MYLK4: variants seen among roughly 807,000 people sequenced by gnomAD.
MYLK4 encodes the protein myosin light chain kinase family member 4, also known as caMLCK like.
MYLK4 carries 46 observed loss-of-function variants against 48.1 expected under a neutral mutation model. The observed-to-expected ratio is 0.96, with a 90% CI of 0.75 to 1.22. The LOEUF is 1.22. MYLK4 is among the 50% of genes most tolerant of loss of function. The probability of loss-of-function intolerance (pLI) is 0.00; values close to 1 mark genes in which losing one functional copy is unlikely to be tolerated. For missense variants in MYLK4, 451 were observed against 486.1 expected (o/e 0.93, Z 0.68); for synonymous variants, 170 against 180.8 (o/e 0.94, Z 0.48).
the MYLK4 span, among the ~76,000 whole-genome samples, chr6:2,766,917 T>A: frequency 5.3e-5 from 8 of 152,248 alleles, no homozygotes; most frequent in Admixed American, 2.0e-4. Context: ...TTCCACTAGT[T>A]GTTGGTTTAA....
At chr6:2,669,093 A>G (rs146214007) in intron 12 of MYLK4, among the ~76,000 whole-genome samples, 2 of 152,212 alleles carry the variant, frequency 1.3e-5, no homozygotes, top group East Asian at 3.9e-4. Context: ...CAAAAACAAA[A>G]CAGAAAGCAA....
At chr6:2,724,325 C>T (rs1763173058) in intron 2 of MYLK4, among the ~76,000 whole-genome samples, 1 of 152,124 alleles carries the variant, frequency 6.6e-6, no homozygotes, top group South Asian at 2.1e-4. Flanking sequence ...CCTGAGGTTC[C>T]AAAAAGGAGT....
At chr6:2,668,475 A>G (rs909047268) in intron 12 of MYLK4, among the ~76,000 whole-genome samples, 1 of 152,220 alleles carries the variant, frequency 6.6e-6, no homozygotes, top group Non-Finnish European at 1.5e-5. Flanking sequence ...TGATTTTGGG[A>G]ATGTTTCCTC....
chr6:2,729,442 CAACA>C (rs1316601116), intron 2 of MYLK4, among the ~76,000 whole-genome samples: 2 of 152,246 alleles, frequency 1.3e-5, no homozygotes, highest in Non-Finnish European at 2.9e-5. Context: ...TCCAGATACG[CAACA>C]AATAACTTTG....
intron 2 of MYLK4, among the ~76,000 whole-genome samples, chr6:2,721,076 G>T (rs562460880): frequency 6.6e-6 from 1 of 152,110 alleles, no homozygotes; most frequent in African/African-American, 2.4e-5. Context: ...CAGGAGAATC[G>T]CTTGAACTTG....
intron 3 of MYLK4, among the ~76,000 whole-genome samples, chr6:2,692,066 C>T (rs1462584036): frequency 6.6e-6 from 1 of 152,144 alleles, no homozygotes; most frequent in Non-Finnish European, 1.5e-5. Flanking sequence ...TGTGCAGTTG[C>T]CAGTTCTCTT....
At chr6:2,668,153 T>A (rs1370531030) in intron 12 of MYLK4, among the ~76,000 whole-genome samples, 1 of 152,126 alleles carries the variant, frequency 6.6e-6, no homozygotes, top group East Asian at 1.9e-4. Flanking sequence ...GGGGTACATG[T>A]GCAGGTTTGT....
chr6:2,716,040 G>C (rs1762853616), intron 2 of MYLK4, among the ~76,000 whole-genome samples: 1 of 151,814 alleles, frequency 6.6e-6, no homozygotes, highest in South Asian at 2.1e-4. Context: ...TTAAACTCTA[G>C]TAAATGTTTC....
chr6:2,768,943 A>G, the MYLK4 span: 1 of 1,498,536 alleles, frequency 6.7e-7, no homozygotes, highest in Non-Finnish European at 9.0e-7. Context: ...AAAGTGTGTG[A>G]GATCACTATA....
At chr6:2,717,911 T>A (rs1040400547) in intron 2 of MYLK4, among the ~76,000 whole-genome samples, 1 of 152,180 alleles carries the variant, frequency 6.6e-6, no homozygotes, top group Non-Finnish European at 1.5e-5. Context: ...CCGGGTGCAG[T>A]GGCTCATGCC....
chr6:2,761,849 T>C, the MYLK4 span, among the ~76,000 whole-genome samples: 1 of 152,196 alleles, frequency 6.6e-6, no homozygotes, highest in African/African-American at 2.4e-5. Context: ...TTTTATTATT[T>C]ACATAATATA....
chr6:2,694,918 T>G (rs956145664), intron 2 of MYLK4, among the ~76,000 whole-genome samples: 9 of 152,034 alleles, frequency 5.9e-5, no homozygotes, highest in Non-Finnish European at 1.0e-4. Context: ...AAAAAAAAGA[T>G]AGAAAGACTA....
chr6:2,713,600 G>A (rs1423377797), intron 2 of MYLK4, among the ~76,000 whole-genome samples: 1 of 152,090 alleles, frequency 6.6e-6, no homozygotes, highest in African/African-American at 2.4e-5. Flanking sequence ...TTGGAACAAC[G>A]CTCTCCCTTT....
intron 2 of MYLK4, among the ~76,000 whole-genome samples, chr6:2,723,690 C>A (rs943700543): frequency 3.3e-5 from 5 of 152,106 alleles, no homozygotes; most frequent in Non-Finnish European, 7.4e-5. Context: ...TAGAAGTGGT[C>A]GGGCTGTGGG....
At chr6:2,725,451 G>A (rs527600638) in intron 2 of MYLK4, among the ~76,000 whole-genome samples, 44 of 151,770 alleles carry the variant, frequency 2.9e-4, no homozygotes, top group Admixed American at 5.3e-4. Context: ...CTCCAGCCTG[G>A]GTGACACAGT....
rs186165259 is a variant in MYLK4, at chr6:2,663,751, A to C, written c.*4174T>G. On this transcript the variant is annotated 3_prime_UTR_variant, in exon 13 of 13. Transcript: ENST00000274643. ...GTACGTTCAGAAATTTAAAATATAC[A>C]TGATAGACACAATCACCACGTTATG... is the stretch of plus-strand genomic sequence containing the variant. 1 of 152,604 alleles carries C rather than the reference A, an allele frequency of 6.6e-6. No individual in the cohort carries two copies. The highest frequency in any genetic ancestry group is 2.1e-4 in the South Asian group (1 of 4,832). The allele number at this position is 152,604 out of a possible 1,614,324, so 9.5% of individuals were successfully genotyped here. A position where few individuals can be genotyped will look rare whatever the true frequency, so the allele number is the denominator to read the frequency against.
At chr6:2,728,051 C>T (rs552690352) in intron 2 of MYLK4, among the ~76,000 whole-genome samples, 4 of 152,104 alleles carry the variant, frequency 2.6e-5, no homozygotes, top group East Asian at 3.9e-4. Flanking sequence ...GCTCCATTTT[C>T]CCCCATTCTA....
At chr6:2,745,631 G>A (rs753921139) in intron 2 of MYLK4, among the ~76,000 whole-genome samples, 2 of 152,102 alleles carry the variant, frequency 1.3e-5, no homozygotes, top group Non-Finnish European at 2.9e-5. Context: ...AAAAAGGAAA[G>A]TAGGAAAAAT....
Position 2,690,891 on chromosome 6 carries a change from G to T in MYLK4, c.235+1893C>A, listed in dbSNP as rs184509544. On this transcript the variant is annotated intron_variant, in intron 3 of 12. Transcript: ENST00000274643. Reference sequence around the variant, plus strand: ...GTCGCCCAGGCTGGAGTGCAGTGGCGCGATCTCGGCTCACTGCAAGCTCCG... The same window carrying T: ...GTCGCCCAGGCTGGAGTGCAGTGGCTCGATCTCGGCTCACTGCAAGCTCCG... Among the ~76,000 whole-genome samples the T allele has an allele frequency of 4.3e-5, 6 of 139,672 alleles. No homozygotes were observed. The South Asian group carries it at 1.1e-3, about 27-fold the overall frequency. The allele number at this position is 139,672 out of a possible 152,430, so 91.6% of individuals were successfully genotyped here.
Sources: gnomAD v4.1 joint callset for allele counts (sites outside exome capture counted in the v4.1 genomes callset) on GRCh38, gnomAD v4.1.1 for gene constraint, MANE v1.5 for transcripts, NCBI Gene and HGNC (gene_info 2026-07-23, HGNC 2026-07-21) for gene names.